The following SERF2 variants were observed in gnomAD, a reference collection of about 807,000 sequenced individuals.
The protein encoded by SERF2 is small EDRK-rich factor 2.
In SERF2, 4 loss-of-function variants were observed where a neutral mutation model predicts 10.7. That is an observed-to-expected ratio of 0.37 (90% confidence interval 0.18 to 0.86). The LOEUF (loss-of-function observed/expected upper bound fraction) is 0.86, where lower values mean the gene tolerates loss of function less well. SERF2 is among the 40% of genes least tolerant of loss of function. The probability of loss-of-function intolerance (pLI) is 0.43; values close to 1 mark genes in which losing one functional copy is unlikely to be tolerated. For missense variants in SERF2, 47 were observed against 79.1 expected, an observed-to-expected ratio of 0.59 and a Z score of 1.54; for synonymous variants, 26 against 26.0, an observed-to-expected ratio of 1.00 and a Z score of 0.01.
intron 1 of SERF2, among the ~76,000 whole-genome samples, chr15:43,779,739 A>G (rs1215494701): frequency 6.6e-6 from 1 of 152,052 alleles, no homozygotes; most frequent in African/African-American, 2.4e-5. Flanking sequence ...TGATCCTCCC[A>G]CCTCAGCCTC....
At chr15:43,778,581 CAAAAAAAAAAAAA>C (rs145368177) in intron 1 of SERF2, among the ~76,000 whole-genome samples, 49 of 28,960 alleles carry the variant, frequency 1.7e-3, no homozygotes, top group East Asian at 4.8e-3. Flanking sequence ...GATTCCATCT[CAAAAAAAAAAAAA>C]AAAAAAAAAA....
Position 43,780,252 on chromosome 15 carries a change from G to C in SERF2, c.-527+2750G>C, listed in dbSNP as rs7166696. On this transcript the variant is annotated intron_variant, in intron 1 of 4. Coordinates refer to the SERF2 transcript ENST00000381359. ...CCTCCCAGGTTCACGCCATTCTCCT[G>C]CCTCAGCCTCCCGAGTAGCTGAGAC... Among the ~76,000 whole-genome samples, 1,160 of 152,142 alleles carry C rather than the reference G, an allele frequency of 7.6e-3. 16 individuals are homozygous for C. The highest frequency in any genetic ancestry group is 0.026 in the African/African-American group (1,098 of 41,502).
At chr15:43,778,817 G>T (rs907586063) in intron 1 of SERF2, among the ~76,000 whole-genome samples, 1 of 151,954 alleles carries the variant, frequency 6.6e-6, no homozygotes, top group Admixed American at 6.6e-5. Context: ...CAGGAGAATC[G>T]CTTGAGCCCC....
rs3210459 is a variant in SERF2, at chr15:43,793,026, A to T, written c.59A>T (p.Asp20Val). 5 of 1,612,768 alleles carry T rather than the reference A, an allele frequency of 3.1e-6. No homozygotes were observed. The highest frequency in any genetic ancestry group is 4.2e-6 in the Non-Finnish European group (5 of 1,178,994). The change falls in exon 2 of 3, where the codon GAC becomes GTC. Residue 20 changes from aspartate (D) to valine (V), a missense_variant. Asp to Val is a radical substitution (Grantham distance 152). Coordinates refer to ENST00000249786, the MANE Select transcript of SERF2 (RefSeq NM_001018108.4). ...CAGAAGAATATGAAAAAGCAGAGCG[A>T]CTCGGTTAAGGGAAAGCGCCGAGAT... is the stretch of plus-strand genomic sequence containing the variant. Reference protein sequence around the residue: ...ARQKNMKKQSDSVKGKRRDDG... With the variant: ...ARQKNMKKQSVSVKGKRRDDG...
chr15:43,791,314 T>C (rs2087058178), upstream of SERF2, among the ~76,000 whole-genome samples: 1 of 151,716 alleles, frequency 6.6e-6, no homozygotes, highest in Admixed American at 6.6e-5. Flanking sequence ...CGATCTCGGC[T>C]CACTGCAACT....
intron 1 of SERF2, chr15:43,792,640 AG>A (rs1434234015): frequency 1.4e-6 from 2 of 1,401,678 alleles, no homozygotes; most frequent in African/African-American, 2.9e-5. Context: ...CCCCTGTGAT[AG>A]GCCCAGAGCC....
At position 43,793,103 on chromosome 15, in the gene SERF2, G is replaced by C. The variant is rs1403184890; in HGVS notation, c.116+20G>C. ...GCAGAGGTAGCCCCAGGGAGGGGAG[G>C]GAAAGGGACGGTGGAGACCTGGGTT... is the stretch of plus-strand genomic sequence containing the variant. On this transcript the variant is annotated intron_variant, in intron 2 of 2. Coordinates refer to ENST00000249786, the MANE Select transcript of SERF2 (RefSeq NM_001018108.4). 2.0e-6 allele frequency: 3 copies of C among 1,526,310 alleles called. No individual in the cohort carries two copies. In the East Asian group the frequency reaches 6.8e-5, roughly 34 times the overall value. The allele number at this position is 1,526,310 out of a possible 1,614,324, so 94.5% of individuals were successfully genotyped here. A position where few individuals can be genotyped will look rare whatever the true frequency, so the allele number is the denominator to read the frequency against.
rs376787676 is a variant in SERF2 at position 43,795,078 on chromosome 15, G to A, written c.*1305G>A. 9.3e-6 allele frequency: 15 copies of A among 1,613,558 alleles called. No homozygotes were observed. In the African/African-American group the frequency reaches 1.3e-4, roughly 14 times the overall value. ...TCAAGATAAGGGGCTGGGGTTTCTG[G>A]GTGGGGGGCCAACAGAGTGGTGCCA... On this transcript the variant is annotated 3_prime_UTR_variant, in exon 3 of 3. Coordinates refer to ENST00000249786, the MANE Select transcript of SERF2 (RefSeq NM_001018108.4).
At chr15:43,784,631 G>A (rs948893156) in intron 1 of SERF2, among the ~76,000 whole-genome samples, 1 of 151,938 alleles carries the variant, frequency 6.6e-6, no homozygotes, top group African/African-American at 2.4e-5. Context: ...ACTGCGCCCA[G>A]CTAATTTTTT....
intron 2 of SERF2, among the ~76,000 whole-genome samples, chr15:43,785,952 C>A (rs1172676612): frequency 1.3e-5 from 2 of 151,312 alleles, no homozygotes; most frequent in Non-Finnish European, 2.9e-5. Context: ...GTGATCTGCC[C>A]GTCTCGGCCT....
At position 43,786,231 on chromosome 15, in the gene SERF2, C is replaced by T. The variant is rs200160912; in HGVS notation, c.-402+697C>T. ...GAGGTCGAGACCATCCTGACTAACA[C>T]GGTGAAACCCTGTCTCTACTAAAAA... On this transcript the variant is annotated intron_variant, in intron 2 of 4. Transcript: ENST00000381359. Among the ~76,000 whole-genome samples, 3 of 151,258 alleles carry T rather than the reference C, an allele frequency of 2.0e-5. No homozygotes were observed. In the East Asian group the frequency reaches 5.9e-4, roughly 30 times the overall value.
chr15:43,787,825 A>C (rs2141673010), upstream of SERF2, among the ~76,000 whole-genome samples: 1 of 149,524 alleles, frequency 6.7e-6, no homozygotes, highest in Middle Eastern at 3.5e-3. Context: ...CACACCCTCG[A>C]GTAGCTGGGA....
chr15:43,793,121 C>T (rs2087108966), intron 2 of SERF2, 38 bp downstream of exon 2: 1 of 1,373,400 alleles, frequency 7.3e-7, no homozygotes, highest in Non-Finnish European at 1.0e-6. Context: ...ACGGTGGAGA[C>T]CTGGGTTAGA....
chr15:43,792,780 T>C (rs2087096666), intron 1 of SERF2, 195 bp from the exon 2 acceptor site: 2 of 692,106 alleles, frequency 2.9e-6, no homozygotes, highest in Non-Finnish European at 4.7e-6. Context: ...CCTTCTCTAG[T>C]CCGTATTTTG....
At chr15:43,793,124 G>C in intron 2 of SERF2, 41 bp downstream of exon 2, 1 of 1,319,266 alleles carries the variant, frequency 7.6e-7, no homozygotes, top group East Asian at 2.3e-5. Flanking sequence ...GTGGAGACCT[G>C]GGTTAGACCA....
chr15:43,794,141 A>C lies in SERF2; in HGVS notation c.*368A>C. ...AAAAGGGAGAACTCTTTAGATTCAG[A>C]TTGTGGGTATGTAGACTTAATAAGT... is the stretch of plus-strand genomic sequence containing the variant. On this transcript the variant is annotated 3_prime_UTR_variant, in exon 3 of 3. Transcript: ENST00000249786. The C allele has an allele frequency of 1.6e-6, 1 of 633,956 alleles. No homozygotes were observed. The highest frequency in any genetic ancestry group is 1.8e-5 in the African/African-American group (1 of 54,706). 39.3% of individuals were successfully genotyped at this position (633,956 alleles called of 1,614,324 possible). A position where few individuals can be genotyped will look rare whatever the true frequency, so the allele number is the denominator to read the frequency against.
At chr15:43,792,013 G>A (rs1249016231), upstream of SERF2, 3 of 415,864 alleles carry the variant, frequency 7.2e-6, no homozygotes, top group Non-Finnish European at 1.4e-5. Flanking sequence ...CCCCGCATGA[G>A]GTCACTCTGC....
chr15:43,793,824 C>G lies in SERF2; in HGVS notation c.*51C>G. 5 of 1,613,822 alleles carry G rather than the reference C, an allele frequency of 3.1e-6. No individual in the cohort carries two copies. Among genetic ancestry groups the G allele is most frequent in the Non-Finnish European group, 2.5e-6 (3 of 1,180,020 alleles). On this transcript the variant is annotated 3_prime_UTR_variant, in exon 3 of 3. Transcript: ENST00000249786. ...TTGCCCTTCGCCTGTGTGCCTGGAG[C>G]CAGTCCCACCACGCTCGCGTTTCCT...
chr15:43,786,887 A>T (rs1022543015), intron 2 of SERF2, among the ~76,000 whole-genome samples: 1 of 152,216 alleles, frequency 6.6e-6, no homozygotes, highest in Non-Finnish European at 1.5e-5. Flanking sequence ...AATGGAAAAA[A>T]AGTCCTTCTC....
Sources: gnomAD v4.1 joint callset for allele counts (sites outside exome capture counted in the v4.1 genomes callset) on GRCh38, gnomAD v4.1.1 for gene constraint, MANE v1.5 for transcripts, NCBI Gene and HGNC (gene_info 2026-07-23, HGNC 2026-07-21) for gene names.